Variants in FRMD5 observed in about 807,000 individuals in gnomAD.
The protein encoded by FRMD5 is FERM domain-containing protein 5.
FRMD5 carries 20 observed loss-of-function variants against 69.0 expected under a neutral mutation model. The observed-to-expected ratio is 0.29, with a 90% confidence interval of 0.20 to 0.42. The LOEUF is 0.42. Among genes scored for constraint, FRMD5 ranks in the 10% least tolerant of loss-of-function variants. The pLI is 1.00. For missense variants in FRMD5, 595 were observed against 708.6 expected, an observed-to-expected ratio of 0.84 and a Z score of 1.82; for synonymous variants, 271 against 260.1, an observed-to-expected ratio of 1.04 and a Z score of -0.40.
intron 1 of FRMD5, among the ~76,000 whole-genome samples, chr15:44,190,660 C>T (rs1339832838): frequency 6.6e-6 from 1 of 152,128 alleles, no homozygotes; most frequent in Non-Finnish European, 1.5e-5. Context: ...ACTTCTCACC[C>T]GGGAGAGGGG....
At chr15:44,037,215 C>G in intron 1 of FRMD5, among the ~76,000 whole-genome samples, 1 of 152,072 alleles carries the variant, frequency 6.6e-6, no homozygotes, top group East Asian at 1.9e-4. Flanking sequence ...TCACCTCCCA[C>G]TTATGAGTGA....
Position 43,874,285 on chromosome 15 carries a change from T to C in FRMD5, c.1313A>G (p.His438Arg). The change falls in exon 14 of 14, where the codon CAC becomes CGC. Residue 438 changes from histidine (H) to arginine (R), a missense_variant. By Grantham distance (29) the His-to-Arg change is conservative (BLOSUM62 0). This residue lies in a region of FRMD5 where 245 missense variants were observed against 227.1 expected (regional missense o/e 1.08). Coordinates refer to ENST00000417257, the MANE Select transcript of FRMD5 (RefSeq NM_032892.5). ...DSVLPTPVAE[H>R]SLELMLLSRQ... ...GGAAAGCAACATCAGCTCCAGGCTG[T>C]GCTCAGCCACAGGGGTGGGCAGCAC... 3 of 1,614,218 alleles carry C rather than the reference T, an allele frequency of 1.9e-6. No homozygotes were observed. The highest frequency in any genetic ancestry group is 2.5e-6 in the Non-Finnish European group (3 of 1,180,042).
chr15:43,955,309 CA>C (rs1369524669), intron 1 of FRMD5, among the ~76,000 whole-genome samples: 1 of 152,216 alleles, frequency 6.6e-6, no homozygotes, highest in Non-Finnish European at 1.5e-5. Flanking sequence ...GCTCCCTCTC[CA>C]GGGAACAGTC....
intron 1 of FRMD5, among the ~76,000 whole-genome samples, chr15:44,189,052 T>C (rs751261169): frequency 2.0e-5 from 3 of 152,180 alleles, no homozygotes; most frequent in Non-Finnish European, 2.9e-5. Flanking sequence ...CCAATTATTT[T>C]GCCTTCATGA....
chr15:44,103,920 G>A (rs1308293771), intron 1 of FRMD5, among the ~76,000 whole-genome samples: 3 of 152,208 alleles, frequency 2.0e-5, no homozygotes, highest in African/African-American at 4.8e-5. Flanking sequence ...TGATGCTGGT[G>A]TAAACAAACC....
chr15:44,134,884 C>T (rs2077159101), intron 1 of FRMD5, among the ~76,000 whole-genome samples: 1 of 152,072 alleles, frequency 6.6e-6, no homozygotes, highest in Non-Finnish European at 1.5e-5. Context: ...ATGCAAAGGC[C>T]CTGAGTTGGC....
intron 1 of FRMD5, among the ~76,000 whole-genome samples, chr15:44,149,820 C>T (rs1362435442): frequency 2.0e-5 from 3 of 152,034 alleles, no homozygotes; most frequent in Non-Finnish European, 4.4e-5. Flanking sequence ...CAGCACTACC[C>T]TAATAGCAAA....
In FRMD5 at chr15:44,028,413, G is replaced by C. The variant is rs147772390; in HGVS notation, c.103-104104C>G. 4.6e-5 allele frequency among the ~76,000 whole-genome samples: 7 copies of C among 152,280 alleles called. No individual in the cohort carries two copies. The East Asian group carries it at 1.4e-3, about 29-fold the overall frequency. ...AGATAAATCAGTTTGTTAAATAAGT[G>C]AGGATAAAATCAAAGGCCAAGTGCC... On this transcript the variant is annotated intron_variant, in intron 1 of 13. Coordinates refer to ENST00000417257, the MANE Select transcript of FRMD5 (RefSeq NM_032892.5).
intron 1 of FRMD5, among the ~76,000 whole-genome samples, chr15:44,123,038 G>A (rs2076976738): frequency 6.6e-6 from 1 of 152,108 alleles, no homozygotes; most frequent in South Asian, 2.1e-4. Context: ...ATCATAATGT[G>A]AACATTAATC....
At chr15:44,186,420 A>C (rs2078102771) in intron 1 of FRMD5, among the ~76,000 whole-genome samples, 1 of 152,122 alleles carries the variant, frequency 6.6e-6, no homozygotes, top group South Asian at 2.1e-4. Flanking sequence ...GTAGAGAAAA[A>C]AGGCTCTGCA....
intron 1 of FRMD5, among the ~76,000 whole-genome samples, chr15:44,165,136 C>T (rs560028456): frequency 1.2e-4 from 19 of 152,274 alleles, no homozygotes; most frequent in African/African-American, 3.1e-4. Flanking sequence ...CAACCAAAGT[C>T]GGCCAGGAGC....
chr15:44,060,527 G>T (rs966921607), intron 1 of FRMD5, among the ~76,000 whole-genome samples: 1 of 152,112 alleles, frequency 6.6e-6, no homozygotes, highest in African/African-American at 2.4e-5. Context: ...GTTTAAAAAG[G>T]TACATCTTAG....
At chr15:44,052,655 CT>C (rs1892717479) in intron 1 of FRMD5, among the ~76,000 whole-genome samples, 1 of 152,140 alleles carries the variant, frequency 6.6e-6, no homozygotes, top group Admixed American at 6.6e-5. Flanking sequence ...AAGCACCACT[CT>C]AATATATCAG....
At position 43,884,091 on chromosome 15, in the gene FRMD5, G is replaced by C. The variant is rs560497854; in HGVS notation, c.1029-282C>G. ...CTCTGGGGTGGGGGCAAGACTGTCAGAGAGTAGAGCCCCAGGATGAGCAGT... is the reference window on the plus strand; with the variant it reads ...CTCTGGGGTGGGGGCAAGACTGTCACAGAGTAGAGCCCCAGGATGAGCAGT... On this transcript the variant is annotated intron_variant, in intron 12 of 13. Transcript: ENST00000417257. Among the ~76,000 whole-genome samples the C allele has an allele frequency of 2.6e-4, 40 of 152,254 alleles. No homozygotes were observed. The South Asian group carries it at 8.1e-3, about 31-fold the overall frequency.
At chr15:44,197,749 AG>A, upstream of FRMD5, among the ~76,000 whole-genome samples, 1 of 152,116 alleles carries the variant, frequency 6.6e-6, no homozygotes, top group East Asian at 1.9e-4. Flanking sequence ...TGAAGGCAAA[AG>A]TTACTGTTTG....
At chr15:43,916,549 T>A (rs2089390928) in intron 4 of FRMD5, among the ~76,000 whole-genome samples, 1 of 152,158 alleles carries the variant, frequency 6.6e-6, no homozygotes, top group African/African-American at 2.4e-5. Context: ...GGGATAGTGG[T>A]TAATCTTCCC....
At chr15:44,087,435 T>A (rs1380476690) in intron 1 of FRMD5, among the ~76,000 whole-genome samples, 1 of 152,152 alleles carries the variant, frequency 6.6e-6, no homozygotes, top group African/African-American at 2.4e-5. Context: ...GAGGAGAAAG[T>A]AGTCAAGGCA....
chr15:44,001,611 GTT>G (rs35453119), intron 1 of FRMD5, among the ~76,000 whole-genome samples: 163 of 138,046 alleles, frequency 1.2e-3, no homozygotes, highest in Admixed American at 2.1e-3. Context: ...CAATTTTATT[GTT>G]TTTTTTTTTT....
intron 1 of FRMD5, among the ~76,000 whole-genome samples, chr15:44,178,715 C>A (rs1595560950): frequency 6.6e-6 from 1 of 152,250 alleles, no homozygotes; most frequent in Middle Eastern, 3.4e-3. Context: ...CAAGTCTAGG[C>A]CGGGTACGGT....
Sources: gnomAD v4.1 joint callset for allele counts (sites outside exome capture counted in the v4.1 genomes callset) on GRCh38, gnomAD v4.1.1 for gene constraint, gnomAD v4.1.1 regional missense constraint, MANE v1.5 for transcripts, NCBI Gene and HGNC (gene_info 2026-07-23, HGNC 2026-07-21) for gene names.